The following VAC14 variants were observed in gnomAD, a reference collection of about 807,000 sequenced individuals.
VAC14 encodes the protein VAC14 component of PIKFYVE complex.
A neutral mutation model predicts 85.3 loss-of-function variants in VAC14; 47 were observed. The ratio of observed to expected loss-of-function variants is 0.55; its 90% CI spans 0.44 to 0.70. The LOEUF is 0.70. Among genes scored for constraint, VAC14 ranks in the 30% least tolerant of loss-of-function variants. The probability of loss-of-function intolerance (pLI) is 0.00; values close to 1 mark genes in which losing one functional copy is unlikely to be tolerated. For synonymous variants in VAC14, 447 were observed against 430.5 expected, an observed-to-expected ratio of 1.04 and a Z score of -0.47; for missense variants, 861 against 1,004.3, an observed-to-expected ratio of 0.86 and a Z score of 1.93.
intron 18 of VAC14, among the ~76,000 whole-genome samples, chr16:70,692,497 C>A (rs549820792): frequency 1.3e-5 from 2 of 152,154 alleles, no homozygotes; most frequent in South Asian, 2.1e-4. Context: ...TCTCCAGGGT[C>A]CTCTGTCTGG....
intron 14 of VAC14, among the ~76,000 whole-genome samples, chr16:70,709,221 A>G (rs966889912): frequency 3.9e-5 from 6 of 152,186 alleles, no homozygotes; most frequent in Non-Finnish European, 7.3e-5. Context: ...AGGCCTTGCC[A>G]AAGACCCCCT....
chr16:70,745,514 TGTGTGC>T (rs1567560879), intron 12 of VAC14, among the ~76,000 whole-genome samples: 3 of 145,820 alleles, frequency 2.1e-5, no homozygotes, highest in Admixed American at 1.3e-4. Flanking sequence ...TGTGTGTGTG[TGTGTGC>T]GCGTGTGCGC....
intron 16 of VAC14, 79 bp downstream of exon 16, chr16:70,697,060 C>T (rs891479415): frequency 2.0e-5 from 25 of 1,232,470 alleles, no homozygotes; most frequent in Non-Finnish European, 1.2e-6. Context: ...TTGGGCCCGC[C>T]TGTTGGGTGG....
chr16:70,713,196 G>A (rs902311967), intron 14 of VAC14, among the ~76,000 whole-genome samples: 1 of 152,180 alleles, frequency 6.6e-6, no homozygotes, highest in African/African-American at 2.4e-5. Flanking sequence ...GCCTACTACA[G>A]GGGGAGGCTT....
At chr16:70,777,349 TTAGG>T (rs1438026677) in intron 9 of VAC14, among the ~76,000 whole-genome samples, 2 of 152,176 alleles carry the variant, frequency 1.3e-5, no homozygotes, top group East Asian at 3.8e-4. Flanking sequence ...ACACTATAGG[TTAGG>T]TATTACTATT....
chr16:70,748,308 G>A (rs916833602), intron 12 of VAC14, among the ~76,000 whole-genome samples: 1 of 152,188 alleles, frequency 6.6e-6, no homozygotes, highest in African/African-American at 2.4e-5. Flanking sequence ...AGGCCAGACA[G>A]GTCAGGCTCT....
chr16:70,749,993 G>A (rs549730703), intron 12 of VAC14, among the ~76,000 whole-genome samples: 82 of 152,382 alleles, frequency 5.4e-4, no homozygotes, highest in Non-Finnish European at 9.0e-4. Flanking sequence ...CTGGCTTTGA[G>A]CCTCTGTGCT....
intron 12 of VAC14, chr16:70,744,909 C>G (rs1249846947): frequency 3.7e-6 from 1 of 268,328 alleles, no homozygotes; most frequent in Admixed American, 4.8e-5. Context: ...TCCCAGGACT[C>G]AGGAAGCAGG....
At chr16:70,761,019 GCAT>G (rs2032321011) in intron 12 of VAC14, 3 of 277,082 alleles carry the variant, frequency 1.1e-5, no homozygotes, top group East Asian at 1.1e-4. Flanking sequence ...GTGTGTGTGT[GCAT>G]GGGGGGGCGG....
At chr16:70,695,512 T>C in intron 17 of VAC14, 32 bp downstream of exon 17, 2 of 1,611,264 alleles carry the variant, frequency 1.2e-6, no homozygotes, top group East Asian at 2.2e-5. Flanking sequence ...CTTGGACTCA[T>C]GGCGCGAGGT....
At chr16:70,756,042 C>T (rs1456802993) in intron 12 of VAC14, 3 of 456,770 alleles carry the variant, frequency 6.6e-6, no homozygotes, top group East Asian at 7.0e-5. Context: ...ACCCAGCTGG[C>T]CAACCCACCT....
intron 18 of VAC14, chr16:70,691,544 GC>G (rs1207570901): frequency 1.0e-6 from 1 of 985,364 alleles, no homozygotes; most frequent in Admixed American, 6.1e-5. Flanking sequence ...GGCTGACCCT[GC>G]TCCCCTGGGG....
chr16:70,690,903 C>T (rs903491184), intron 18 of VAC14: 50 of 985,170 alleles, frequency 5.1e-5, no homozygotes, highest in Middle Eastern at 5.2e-4. Flanking sequence ...TAGGGGGTGT[C>T]TCACACACCC....
intron 1 of VAC14, among the ~76,000 whole-genome samples, chr16:70,800,460 G>A (rs891255192): frequency 6.6e-6 from 1 of 152,178 alleles, no homozygotes; most frequent in East Asian, 1.9e-4. Context: ...TCACCACAGA[G>A]ACAACTCTCT....
At chr16:70,744,279 G>A (rs1004229272) in intron 13 of VAC14, 144 bp downstream of exon 13, 18 of 1,217,158 alleles carry the variant, frequency 1.5e-5, no homozygotes, top group African/African-American at 3.1e-5. Context: ...GTGGGAGATC[G>A]CCAGTAGCAA....
At chr16:70,737,272 C>T (rs1440335591) in intron 13 of VAC14, among the ~76,000 whole-genome samples, 3 of 152,206 alleles carry the variant, frequency 2.0e-5, no homozygotes, top group East Asian at 3.9e-4. Flanking sequence ...GACGGGGCAG[C>T]TCAGGGCACG....
intron 1 of VAC14, among the ~76,000 whole-genome samples, chr16:70,790,719 C>T (rs1168534334): frequency 6.6e-6 from 1 of 152,114 alleles, no homozygotes; most frequent in African/African-American, 2.4e-5. Context: ...TTGGCACCAG[C>T]CGGAAGGCCT....
intron 13 of VAC14, among the ~76,000 whole-genome samples, chr16:70,741,150 G>A (rs2030259129): frequency 1.3e-5 from 2 of 152,272 alleles, no homozygotes; most frequent in Non-Finnish European, 2.9e-5. Context: ...TCTCAGGGCT[G>A]CGCCCTGGAG....
chr16:70,784,023 T>C (rs1028273917), intron 5 of VAC14, 90 bp downstream of exon 5: 4 of 1,022,614 alleles, frequency 3.9e-6, no homozygotes, highest in Non-Finnish European at 6.1e-6. Flanking sequence ...ACATGGAGGG[T>C]TCCTATAGCC....
Sources: allele counts gnomAD v4.1 joint callset (sites outside exome capture counted in the v4.1 genomes callset), GRCh38; gene constraint gnomAD v4.1.1; transcripts MANE v1.5; gene names NCBI Gene and HGNC (gene_info 2026-07-23, HGNC 2026-07-21).